OPRD1: variants seen among roughly 807,000 people sequenced by gnomAD.
The protein encoded by OPRD1 is delta-type opioid receptor.
A neutral mutation model predicts 17.5 loss-of-function variants in OPRD1; 19 were observed. The ratio of observed to expected loss-of-function variants is 1.09; its 90% confidence interval spans 0.76 to 1.60. The LOEUF is 1.60. OPRD1 is among the 40% of genes most tolerant of loss of function. The pLI, the probability that OPRD1 is intolerant of heterozygous loss-of-function variation, is 0.00. For synonymous variants in OPRD1, 256 were observed against 240.9 expected (o/e 1.06, Z -0.58); for missense variants, 483 against 547.2 (o/e 0.88, Z 1.17).
intron 1 of OPRD1, among the ~76,000 whole-genome samples, chr1:28,833,226 G>C (rs2088822968): frequency 6.6e-6 from 1 of 152,230 alleles, no homozygotes; most frequent in South Asian, 2.1e-4. Flanking sequence ...CACCTGGTTA[G>C]TAAGTGTCTG....
intron 1 of OPRD1, among the ~76,000 whole-genome samples, chr1:28,856,773 G>A (rs970594527): frequency 6.6e-6 from 1 of 152,240 alleles, no homozygotes; most frequent in Non-Finnish European, 1.5e-5. Context: ...AGAGCATGGA[G>A]GGATGCTGGG....
At chr1:28,856,837 T>C (rs1434520079) in intron 1 of OPRD1, among the ~76,000 whole-genome samples, 1 of 152,200 alleles carries the variant, frequency 6.6e-6, no homozygotes, top group East Asian at 1.9e-4. Context: ...CCTGGGCTCA[T>C]GCCTTGGGTT....
intron 1 of OPRD1, among the ~76,000 whole-genome samples, chr1:28,814,845 A>C (rs1451240806): frequency 6.6e-6 from 1 of 152,194 alleles, no homozygotes; most frequent in Non-Finnish European, 1.5e-5. Flanking sequence ...TTATGTGAAA[A>C]TTGTATCTCT....
rs1557581566 is a variant in OPRD1, at chr1:28,862,912, AAGG to A, written c.751_753del (p.Glu251del). 3.7e-6 allele frequency: 6 copies of A among 1,612,708 alleles called. No homozygotes were observed. Among genetic ancestry groups the A allele is most frequent in the South Asian group, 1.1e-5 (1 of 91,072 alleles). On this transcript the variant is annotated inframe_deletion, in exon 3 of 3. Transcript: ENST00000234961. ...CAGTGTGCGCCTGCTGTCGGGCTCC[AAGG>A]AGAAGGACCGCAGCCTGCGGCGCAT...
At position 28,865,154 on chromosome 1, in the gene OPRD1, T is replaced by C. The variant is rs1171117468; in HGVS notation, c.*1871T>C. On this transcript the variant is annotated 3_prime_UTR_variant, in exon 3 of 3. Transcript: ENST00000234961. ...ATCTTTGCTTCCCAGAATATCAGTG[T>C]CTGTCCTTGTTCTCTGTACCTCCCC... The C allele has an allele frequency of 6.6e-6, 1 of 152,272 alleles. No homozygotes were observed. Among genetic ancestry groups the C allele is most frequent in the African/African-American group, 2.4e-5 (1 of 41,404 alleles). The allele number at this position is 152,272 out of a possible 1,614,324, so 9.4% of individuals were successfully genotyped here. A position where few individuals can be genotyped will look rare whatever the true frequency, so the allele number is the denominator to read the frequency against.
chr1:28,825,655 A>G (rs2088761487), intron 1 of OPRD1, among the ~76,000 whole-genome samples: 2 of 152,224 alleles, frequency 1.3e-5, no homozygotes, highest in Admixed American at 1.3e-4. Context: ...AGGTGCCAGG[A>G]TTACAGGCGT....
chr1:28,856,529 C>T (rs2089059549), intron 1 of OPRD1, among the ~76,000 whole-genome samples: 1 of 152,184 alleles, frequency 6.6e-6, no homozygotes, highest in South Asian at 2.1e-4. Flanking sequence ...ATGTAACCCT[C>T]CTCTGGGTAT....
At position 28,870,461 on chromosome 1, in the gene OPRD1, T is replaced by A. The variant is rs926049475; in HGVS notation, c.*7178T>A. 6.6e-6 allele frequency: 1 copy of A among 152,218 alleles called. No individual in the cohort carries two copies. Among genetic ancestry groups the A allele is most frequent in the Non-Finnish European group, 1.5e-5 (1 of 68,082 alleles). 9.4% of individuals were successfully genotyped at this position (152,218 alleles called of 1,614,324 possible). A position where few individuals can be genotyped will look rare whatever the true frequency, so the allele number is the denominator to read the frequency against. ...TTTCGCCGTGTTGGCCAGGCTGGTC[T>A]CGAACTCCTGACCTCAACTGATCCA... is the stretch of plus-strand genomic sequence containing the variant. On this transcript the variant is annotated 3_prime_UTR_variant, in exon 3 of 3. Transcript: ENST00000234961.
At chr1:28,849,343 A>G (rs915167503) in intron 1 of OPRD1, among the ~76,000 whole-genome samples, 8 of 151,990 alleles carry the variant, frequency 5.3e-5, no homozygotes, top group African/African-American at 1.9e-4. Flanking sequence ...CGGGTGAGAG[A>G]TGGGGAGATT....
chr1:28,840,941 T>A (rs2088890543), intron 1 of OPRD1, among the ~76,000 whole-genome samples: 1 of 152,054 alleles, frequency 6.6e-6, no homozygotes, highest in Non-Finnish European at 1.5e-5. Flanking sequence ...AAAATAAAAA[T>A]GAATAAATAA....
At chr1:28,842,069 GC>G (rs2088900865) in intron 1 of OPRD1, among the ~76,000 whole-genome samples, 1 of 148,238 alleles carries the variant, frequency 6.7e-6, no homozygotes, top group South Asian at 2.2e-4. Flanking sequence ...TCACTCTGTT[GC>G]CCAGGCTGGA....
intron 1 of OPRD1, among the ~76,000 whole-genome samples, chr1:28,846,846 T>TTTCTTTCTTTC (rs769212543): frequency 0.014 from 1,056 of 76,870 alleles, 19 homozygotes; most frequent in Admixed American, 0.022. Context: ...TCTTTCTTTC[T>TTTCTTTCTTTC]TTTCTTTCTT....
At chr1:28,813,896 G>T (rs113962997) in intron 1 of OPRD1, among the ~76,000 whole-genome samples, 7,532 of 152,238 alleles carry the variant, frequency 0.049, 223 homozygotes, top group Middle Eastern at 0.099. Context: ...CCTGTTCGAA[G>T]AATACAGACC....
chr1:28,863,079 G>C lies in OPRD1; in HGVS notation c.915G>C (p.Ala305=), dbSNP rs898272507. 6.2e-7 allele frequency: 1 copy of C among 1,607,762 alleles called. No homozygotes were observed. Among genetic ancestry groups the C allele is most frequent in the Non-Finnish European group, 8.5e-7 (1 of 1,177,462 alleles). The change falls in exon 3 of 3, where the codon GCG becomes GCC. Residue 305 remains alanine (A), a synonymous_variant. Coordinates refer to ENST00000234961, the MANE Select transcript of OPRD1 (RefSeq NM_000911.4). ...TGGCTGCGCTGCACCTGTGCATCGCGCTGGGCTACGCCAATAGCAGCCTCA... is the reference window on the plus strand; with the variant it reads ...TGGCTGCGCTGCACCTGTGCATCGCCCTGGGCTACGCCAATAGCAGCCTCA... ...LVVAALHLCI[A]LGYANSSLNP... is the part of the protein sequence containing the mutation.
chr1:28,843,623 C>CT (rs942348583), intron 1 of OPRD1, among the ~76,000 whole-genome samples: 47 of 151,860 alleles, frequency 3.1e-4, no homozygotes, highest in African/African-American at 9.2e-4. Context: ...CCTTCTTCTT[C>CT]TTTTTTTTGT....
intron 1 of OPRD1, among the ~76,000 whole-genome samples, chr1:28,839,977 A>C (rs2088882815): frequency 1.3e-5 from 2 of 152,178 alleles, no homozygotes; most frequent in African/African-American, 2.4e-5. Flanking sequence ...GTTGCTCATT[A>C]CTGAGGATCA....
Position 28,854,993 on chromosome 1 carries a change from T to C in OPRD1, c.228-3961T>C, listed in dbSNP as rs1253043956. On this transcript the variant is annotated intron_variant, in intron 1 of 2. Transcript: ENST00000234961. The stretch of plus-strand genomic sequence containing the variant: ...CGGGCACTGCTGGTAGGCCCAAGGG[T>C]ACAGCAGGGAACAAAATGGACGAAG... Among the ~76,000 whole-genome samples the C allele has an allele frequency of 2.0e-5, 3 of 152,084 alleles. No homozygotes were observed. The East Asian group carries it at 5.8e-4, about 29-fold the overall frequency.
At chr1:28,838,940 G>T (rs1235523519) in intron 1 of OPRD1, among the ~76,000 whole-genome samples, 1 of 151,874 alleles carries the variant, frequency 6.6e-6, no homozygotes, top group East Asian at 1.9e-4. Context: ...AAGCTGTGTC[G>T]CCCAGGCTGA....
At position 28,812,957 on chromosome 1, in the gene OPRD1, T is replaced by G. The variant is rs1175096149; in HGVS notation, c.227+347T>G. 2.6e-5 allele frequency among the ~76,000 whole-genome samples: 4 copies of G among 152,204 alleles called. No individual in the cohort carries two copies. In the South Asian group the frequency reaches 6.2e-4, roughly 24 times the overall value. On this transcript the variant is annotated intron_variant, in intron 1 of 2. Coordinates refer to ENST00000234961, the MANE Select transcript of OPRD1 (RefSeq NM_000911.4). ...GGATGGTTGTGACAGTACAACTGTA[T>G]GTTTGGACGTCGGAAACATGCCCAT... is the stretch of plus-strand genomic sequence containing the variant.
Sources: allele counts gnomAD v4.1 joint callset (sites outside exome capture counted in the v4.1 genomes callset), GRCh38; gene constraint gnomAD v4.1.1; transcripts MANE v1.5; gene names NCBI Gene and HGNC (gene_info 2026-07-23, HGNC 2026-07-21).